Variants in AKR1C3 observed in about 807,000 individuals in gnomAD.
The protein encoded by AKR1C3 is 3-alpha hydroxysteroid dehydrogenase, type II.
Under a neutral mutation model 43.6 loss-of-function variants are expected in AKR1C3, and 48 were observed. The ratio of observed to expected loss-of-function variants is 1.10; its 90% confidence interval spans 0.87 to 1.40. The LOEUF (loss-of-function observed/expected upper bound fraction) is 1.40. Ranked by LOEUF, AKR1C3 falls within the 40% of genes most tolerant of loss-of-function variation. The probability of loss-of-function intolerance (pLI) is 0.00; values close to 1 mark genes in which losing one functional copy is unlikely to be tolerated. For missense variants in AKR1C3, 482 were observed against 391.2 expected (o/e 1.23, Z -1.96); for synonymous variants, 162 against 139.6 (o/e 1.16, Z -1.13).
intron 1 of AKR1C3, among the ~76,000 whole-genome samples, chr10:5,087,391 T>G (rs1838992872): frequency 6.6e-6 from 1 of 150,692 alleles, no homozygotes; most frequent in Admixed American, 6.6e-5. Context: ...TTTTTTTTTT[T>G]TTTTTGAGGC....
intron 1 of AKR1C3, among the ~76,000 whole-genome samples, chr10:5,087,454 C>A (rs941488525): frequency 3.3e-5 from 5 of 149,608 alleles, no homozygotes; most frequent in Non-Finnish European, 7.4e-5. Context: ...CTCACTGAAA[C>A]CTTGACCTCC....
intron 8 of AKR1C3, among the ~76,000 whole-genome samples, chr10:5,106,732 T>C (rs1406812720): frequency 6.8e-6 from 1 of 147,288 alleles, no homozygotes; most frequent in Non-Finnish European, 1.5e-5. Flanking sequence ...CCAGCCTGAA[T>C]GACAGAGTGA....
chr10:5,100,341 G>T (rs782161012), intron 5 of AKR1C3, among the ~76,000 whole-genome samples: 4 of 152,198 alleles, frequency 2.6e-5, no homozygotes, highest in Non-Finnish European at 5.9e-5. Flanking sequence ...ACTGTTCACA[G>T]TGGATGAAAT....
Position 5,086,288 on chromosome 10 carries a change from T to C in AKR1C3, c.85-10122T>C, listed in dbSNP as rs544610106. On this transcript the variant is annotated intron_variant, in intron 1 of 8. Transcript: ENST00000439082. Reference sequence around the variant, plus strand: ...CTGGTATGTTGTGTCTTTGTTCTCATTGGTTTCAAAGAACATCTTTATTTC... The same window carrying C: ...CTGGTATGTTGTGTCTTTGTTCTCACTGGTTTCAAAGAACATCTTTATTTC... Among the ~76,000 whole-genome samples, 11 of 151,714 alleles carry C rather than the reference T, an allele frequency of 7.3e-5. No homozygotes were observed. In the South Asian group the frequency reaches 2.3e-3, roughly 32 times the overall value.
Position 5,099,261 on chromosome 10 carries a change from G to A in AKR1C3, c.448-66G>A. ...TGAAAGTTGTTGCTCTCACAGTTCT[G>A]TCTTGCATTTACCGTGATTTGCAGC... On this transcript the variant is annotated intron_variant, in intron 4 of 8. Transcript: ENST00000380554. The A allele has an allele frequency of 6.2e-6, 10 of 1,609,320 alleles. 1 individual carries two copies. Among genetic ancestry groups the A allele is most frequent in the South Asian group, 3.3e-5 (3 of 90,426 alleles).
intron 7 of AKR1C3, among the ~76,000 whole-genome samples, chr10:5,104,813 A>C (rs587628130): frequency 6.6e-6 from 1 of 152,272 alleles, no homozygotes; most frequent in African/African-American, 2.4e-5. Context: ...AGAATACTGA[A>C]AATTATTAGA....
intron 8 of AKR1C3, among the ~76,000 whole-genome samples, chr10:5,106,289 A>T (rs782687101): frequency 3.9e-5 from 6 of 152,174 alleles, no homozygotes; most frequent in Non-Finnish European, 5.9e-5. Flanking sequence ...TGCAATATGG[A>T]GCTCTCAAGG....
At chr10:5,105,008 T>TCCATGTGTTAG (rs1227235364) in intron 7 of AKR1C3, among the ~76,000 whole-genome samples, 1 of 151,760 alleles carries the variant, frequency 6.6e-6, no homozygotes, top group Non-Finnish European at 1.5e-5. Flanking sequence ...TTTATTCAAT[T>TCCATGTGTTAG]CCATGTGTTA....
At chr10:5,063,787 A>AAAAAAAAAAAAAAAAAAAAAAT (rs1554780514) in intron 1 of AKR1C3, among the ~76,000 whole-genome samples, 1 of 148,100 alleles carries the variant, frequency 6.8e-6, no homozygotes, top group Non-Finnish European at 1.5e-5. Flanking sequence ...AAAAAAAAAA[A>AAAAAAAAAAAAAAAAAAAAAAT]AAGGAAAATG....
At chr10:5,051,285 C>T (rs60027932) in intron 1 of AKR1C3, among the ~76,000 whole-genome samples, 7,301 of 152,034 alleles carry the variant, frequency 0.048, 214 homozygotes, top group East Asian at 0.16. Context: ...TTAGTAGAGA[C>T]GGGGTTCCAC....
intron 7 of AKR1C3, 33 bp from the exon 8 acceptor site, chr10:5,105,562 C>G: frequency 6.5e-7 from 1 of 1,550,316 alleles, no homozygotes; most frequent in Non-Finnish European, 8.8e-7. Context: ...AACTGGCAAT[C>G]TAAAAATAAT....
chr10:5,052,679 G>C (rs1838176803), intron 1 of AKR1C3, among the ~76,000 whole-genome samples: 1 of 152,122 alleles, frequency 6.6e-6, no homozygotes, highest in Non-Finnish European at 1.5e-5. Flanking sequence ...GTGCCGATTG[G>C]TATATTTACA....
At chr10:5,066,777 C>T (rs1838513055) in intron 1 of AKR1C3, among the ~76,000 whole-genome samples, 1 of 152,174 alleles carries the variant, frequency 6.6e-6, no homozygotes, top group African/African-American at 2.4e-5. Context: ...GTCATAAGTG[C>T]CAGCTGCAGC....
intron 5 of AKR1C3, 30 bp from the exon 6 acceptor site, chr10:5,102,071 T>C (rs1202208823): frequency 7.5e-7 from 1 of 1,330,710 alleles, no homozygotes; most frequent in African/African-American, 1.5e-5. Context: ...TTCATATAAA[T>C]TGATGCTTCT....
intron 1 of AKR1C3, among the ~76,000 whole-genome samples, chr10:5,063,782 A>AAAAAAAAAAAAAAAAC (rs1838433809): frequency 6.8e-6 from 1 of 147,028 alleles, no homozygotes; most frequent in African/African-American, 2.5e-5. Flanking sequence ...AAAAAAAAAA[A>AAAAAAAAAAAAAAAAC]AAAAAAAGGA....
Position 5,102,607 on chromosome 10 carries a change from T to C in AKR1C3, c.803T>C (p.Leu268Pro). The C allele has an allele frequency of 6.6e-7, 1 of 1,522,936 alleles. No individual in the cohort carries two copies. Among genetic ancestry groups the C allele is most frequent in the Non-Finnish European group, 8.8e-7 (1 of 1,134,232 alleles). The allele number at this position is 1,522,936 out of a possible 1,614,324, so 94.3% of individuals were successfully genotyped here. A position where few individuals can be genotyped will look rare whatever the true frequency, so the allele number is the denominator to read the frequency against. Residue 268 changes from leucine (L) to proline (P), a missense_variant, in exon 7 of 9, where the codon CTG (leucine) becomes CCG (proline). By Grantham distance (98) the Leu-to-Pro change is moderately conservative. Coordinates refer to ENST00000380554, the MANE Select transcript of AKR1C3 (RefSeq NM_003739.6). Reference protein sequence around the residue: ...RYQLQRGVVVLAKSYNEQRIR... With the variant: ...RYQLQRGVVVPAKSYNEQRIR... ...CAGCTGCAGCGTGGGGTTGTGGTCCTGGCCAAGAGCTACAATGAGCAGCGC... is the reference window on the plus strand; with the variant it reads ...CAGCTGCAGCGTGGGGTTGTGGTCCCGGCCAAGAGCTACAATGAGCAGCGC...
chr10:5,102,313 G>T, intron 6 of AKR1C3, 103 bp downstream of exon 6: 1 of 1,583,652 alleles, frequency 6.3e-7, no homozygotes, highest in South Asian at 1.1e-5. Context: ...GTGGCTCATG[G>T]AGAGGAAAGA....
At chr10:5,092,283 A>G (rs1554784328), upstream of AKR1C3, among the ~76,000 whole-genome samples, 1 of 151,106 alleles carries the variant, frequency 6.6e-6, no homozygotes, top group Non-Finnish European at 1.5e-5. Context: ...TCTTTATCTG[A>G]ACTCCAGTTC....
chr10:5,075,094 T>C (rs1299733836), intron 1 of AKR1C3, among the ~76,000 whole-genome samples: 1 of 152,206 alleles, frequency 6.6e-6, no homozygotes, highest in East Asian at 1.9e-4. Context: ...CATCATTCTT[T>C]GGTTGACAAT....
Sources: gnomAD v4.1 joint callset for allele counts (sites outside exome capture counted in the v4.1 genomes callset) on GRCh38, gnomAD v4.1.1 for gene constraint, MANE v1.5 for transcripts, NCBI Gene and HGNC (gene_info 2026-07-23, HGNC 2026-07-21) for gene names.